The following ZNF704 variants were observed in gnomAD, a reference collection of about 807,000 sequenced individuals.
The protein encoded by ZNF704 is zinc finger protein 704, also known as glucocorticoid induced gene 1.
ZNF704 carries 10 observed loss-of-function variants against 44.7 expected under a neutral mutation model. The observed-to-expected ratio is 0.22, with a 90% CI of 0.14 to 0.38. The LOEUF (loss-of-function observed/expected upper bound fraction) is 0.38. Ranked by LOEUF, ZNF704 falls within the 10% of genes least tolerant of loss-of-function variation. The probability of loss-of-function intolerance (pLI) is 1.00; values close to 1 mark genes in which losing one functional copy is unlikely to be tolerated. For synonymous variants in ZNF704, 211 were observed against 207.6 expected, an observed-to-expected ratio of 1.02 and a Z score of -0.14; for missense variants, 390 against 545.5, an observed-to-expected ratio of 0.71 and a Z score of 2.84.
intron 4 of ZNF704, among the ~76,000 whole-genome samples, chr8:80,679,323 G>A (rs1818415652): frequency 6.6e-6 from 1 of 150,996 alleles, no homozygotes; most frequent in South Asian, 2.1e-4. Flanking sequence ...CAAATCCTTT[G>A]TCTACAAACA....
intron 2 of ZNF704, among the ~76,000 whole-genome samples, chr8:80,801,894 T>C (rs1807906442): frequency 6.6e-6 from 1 of 151,966 alleles, no homozygotes; most frequent in Admixed American, 6.6e-5. Flanking sequence ...AGCTGGTTTT[T>C]TGAAAAAACT....
intron 2 of ZNF704, among the ~76,000 whole-genome samples, chr8:80,711,743 A>C (rs1818990851): frequency 6.6e-6 from 1 of 152,222 alleles, no homozygotes; most frequent in East Asian, 1.9e-4. Context: ...CAAAACACTA[A>C]GTGAACTACA....
intron 2 of ZNF704, among the ~76,000 whole-genome samples, chr8:80,766,159 C>T (rs1461016327): frequency 6.6e-6 from 1 of 152,104 alleles, no homozygotes; most frequent in African/African-American, 2.4e-5. Flanking sequence ...ATGTGACTCG[C>T]TTCCCTGTTC....
At chr8:80,814,745 C>A (rs1417341939) in intron 2 of ZNF704, among the ~76,000 whole-genome samples, 1 of 151,988 alleles carries the variant, frequency 6.6e-6, no homozygotes, top group South Asian at 2.1e-4. Context: ...GGTAAAGTGA[C>A]CTTTTTTCTT....
Position 80,633,728 on chromosome 8 carries a change from AG to A in ZNF704, c.*7637del, listed in dbSNP as rs2131581037. ...GGTTCTTACAAAGATCAAATGAAAT[AG>A]TGTGTGAACGAGACGTATCTTATTA... is the stretch of plus-strand genomic sequence containing the variant. On this transcript the variant is annotated 3_prime_UTR_variant, in exon 9 of 9. Coordinates refer to ENST00000327835, the MANE Select transcript of ZNF704 (RefSeq NM_001033723.3). The A allele has an allele frequency of 6.6e-6, 1 of 152,378 alleles. No homozygotes were observed. The highest frequency in any genetic ancestry group is 1.9e-4 in the East Asian group (1 of 5,188). 9.4% of individuals were successfully genotyped at this position (152,378 alleles called of 1,614,324 possible). A position where few individuals can be genotyped will look rare whatever the true frequency, so the allele number is the denominator to read the frequency against.
At chr8:80,864,571 A>G (rs1489645241) in intron 1 of ZNF704, among the ~76,000 whole-genome samples, 2 of 152,214 alleles carry the variant, frequency 1.3e-5, no homozygotes, top group African/African-American at 4.8e-5. Flanking sequence ...CCCAAAGTCA[A>G]TTAATTACCA....
intron 7 of ZNF704, among the ~76,000 whole-genome samples, chr8:80,653,892 A>G (rs1425791235): frequency 6.6e-6 from 1 of 152,168 alleles, no homozygotes; most frequent in Non-Finnish European, 1.5e-5. Flanking sequence ...GTCAATCCTA[A>G]GCCAAAAGAA....
intron 1 of ZNF704, among the ~76,000 whole-genome samples, chr8:80,834,513 T>C (rs926152667): frequency 1.3e-5 from 2 of 151,944 alleles, no homozygotes; most frequent in African/African-American, 4.8e-5. Flanking sequence ...CAAGTTTTTG[T>C]TTGTTTGTTT....
intron 2 of ZNF704, among the ~76,000 whole-genome samples, chr8:80,699,790 C>T (rs1036950684): frequency 5.9e-5 from 9 of 152,162 alleles, no homozygotes; most frequent in Non-Finnish European, 4.4e-5. Flanking sequence ...CTCTTTCTCC[C>T]GCTTTCTGTT....
intron 2 of ZNF704, among the ~76,000 whole-genome samples, chr8:80,700,454 T>G (rs758007241): frequency 6.6e-6 from 1 of 152,230 alleles, no homozygotes. Flanking sequence ...CTTAGAGGGT[T>G]TGGAAGAGTT....
intron 8 of ZNF704, among the ~76,000 whole-genome samples, chr8:80,642,414 C>T (rs1215847480): frequency 6.6e-6 from 1 of 152,178 alleles, no homozygotes. Flanking sequence ...AACACAAGTA[C>T]AGTTCGTTAC....
chr8:80,661,163 C>T (rs1818096383), intron 6 of ZNF704, among the ~76,000 whole-genome samples: 1 of 152,072 alleles, frequency 6.6e-6, no homozygotes, highest in African/African-American at 2.4e-5. Context: ...CAAAAGCACA[C>T]ATACAAATGA....
intron 1 of ZNF704, among the ~76,000 whole-genome samples, chr8:80,872,068 T>C (rs1488211749): frequency 6.6e-6 from 1 of 152,162 alleles, no homozygotes; most frequent in African/African-American, 2.4e-5. Context: ...GTGCAATCAC[T>C]ATTCAAACCA....
chr8:80,793,254 A>T (rs952298059), intron 2 of ZNF704, among the ~76,000 whole-genome samples: 1 of 152,174 alleles, frequency 6.6e-6, no homozygotes, highest in African/African-American at 2.4e-5. Context: ...TGACATGGGA[A>T]CACGGGAGAA....
At chr8:80,834,168 G>A (rs1439610239) in intron 1 of ZNF704, among the ~76,000 whole-genome samples, 1 of 151,558 alleles carries the variant, frequency 6.6e-6, no homozygotes, top group Admixed American at 6.6e-5. Flanking sequence ...CACTCCAGCT[G>A]GGGTGGCCGA....
At chr8:80,674,019 C>T (rs1003378879) in intron 4 of ZNF704, among the ~76,000 whole-genome samples, 4 of 152,296 alleles carry the variant, frequency 2.6e-5, no homozygotes, top group Middle Eastern at 3.4e-3. Context: ...CAGTGCTGGG[C>T]GTAGGACCCA....
In ZNF704 at chr8:80,636,200, AT is replaced by A. The variant is rs1299974698; in HGVS notation, c.*5165del. ...AAAATTAAGTTATAATTGTTTTTGTATTTAAAGGTTATGTTTTGCCAAGACA... is the reference window on the plus strand; with the variant it reads ...AAAATTAAGTTATAATTGTTTTTGTATTAAAGGTTATGTTTTGCCAAGACA... On this transcript the variant is annotated 3_prime_UTR_variant, in exon 9 of 9. Coordinates refer to ENST00000327835, the MANE Select transcript of ZNF704 (RefSeq NM_001033723.3). 1.3e-5 allele frequency: 2 copies of A among 152,162 alleles called. No individual in the cohort carries two copies. Among genetic ancestry groups the A allele is most frequent in the Non-Finnish European group, 2.9e-5 (2 of 68,022 alleles). 9.4% of individuals were successfully genotyped at this position (152,162 alleles called of 1,614,324 possible). A position where few individuals can be genotyped will look rare whatever the true frequency, so the allele number is the denominator to read the frequency against.
At position 80,672,230 on chromosome 8, in the gene ZNF704, C is replaced by A. The variant is rs1392449389; in HGVS notation, c.559-1627G>T. Among the ~76,000 whole-genome samples the A allele has an allele frequency of 4.6e-5, 7 of 152,310 alleles. No individual in the cohort carries two copies. In the East Asian group the frequency reaches 1.3e-3, roughly 29 times the overall value. On this transcript the variant is annotated intron_variant, in intron 4 of 8. Coordinates refer to ENST00000327835, the MANE Select transcript of ZNF704 (RefSeq NM_001033723.3). ...AACCACAATGAGATACCATCTCACACCAGTCAGAATGGCTATTACCAAAAT... is the reference window on the plus strand; with the variant it reads ...AACCACAATGAGATACCATCTCACAACAGTCAGAATGGCTATTACCAAAAT...
chr8:80,853,623 T>A (rs953045212), intron 1 of ZNF704, among the ~76,000 whole-genome samples: 2 of 151,960 alleles, frequency 1.3e-5, no homozygotes, highest in African/African-American at 4.8e-5. Context: ...AAAAAAACAG[T>A]AGAAAGAACA....
Sources: gnomAD v4.1 joint callset for allele counts (sites outside exome capture counted in the v4.1 genomes callset) on GRCh38, gnomAD v4.1.1 for gene constraint, MANE v1.5 for transcripts, NCBI Gene and HGNC (gene_info 2026-07-23, HGNC 2026-07-21) for gene names.